Variants in TEX9 observed in about 807,000 individuals in gnomAD.
The protein encoded by TEX9 is testis expressed 9, also known as testis-expressed protein 9.
A neutral mutation model predicts 59.6 loss-of-function variants in TEX9; 74 were observed. That is an observed-to-expected ratio of 1.24 (90% CI 1.03 to 1.51). TEX9 has a LOEUF of 1.51. TEX9 is among the 40% of genes most tolerant of loss of function. TEX9 has a pLI of 0.00. For missense variants in TEX9, 522 were observed against 447.8 expected (o/e 1.17, Z -1.49); for synonymous variants, 186 against 152.2 (o/e 1.22, Z -1.64).
rs1416074874 is a variant in TEX9, at chr15:56,388,591, AG to A, written c.312+72del. On this transcript the variant is annotated intron_variant, in intron 5 of 12. Coordinates refer to ENST00000352903, the Ensembl canonical transcript of TEX9. ...TCCGGATATTTTTTAGACTTTTCTTAGACAAAGCAGAGAAGGGGTATGACTC... is the reference window on the plus strand; with the variant it reads ...TCCGGATATTTTTTAGACTTTTCTTAACAAAGCAGAGAAGGGGTATGACTC... 62 of 1,326,646 alleles carry A rather than the reference AG, an allele frequency of 4.7e-5. No individual in the cohort carries two copies. In the African/African-American group the frequency reaches 8.7e-4, roughly 19 times the overall value. The allele number at this position is 1,326,646 out of a possible 1,614,324, so 82.2% of individuals were successfully genotyped here. A position where few individuals can be genotyped will look rare whatever the true frequency, so the allele number is the denominator to read the frequency against.
At chr15:56,430,808 G>A (rs1235500045) in intron 12 of TEX9, among the ~76,000 whole-genome samples, 2 of 152,176 alleles carry the variant, frequency 1.3e-5, no homozygotes, top group African/African-American at 4.8e-5. Context: ...TCTTTGGCAT[G>A]TAAGTACTAC....
chr15:56,285,417 G>A (rs1472661089), intron 1 of TEX9, among the ~76,000 whole-genome samples: 5 of 152,110 alleles, frequency 3.3e-5, no homozygotes, highest in Non-Finnish European at 1.5e-5. Context: ...TACCCTAAGG[G>A]TATAGCTTTT....
chr15:56,428,391 C>A (rs1417177994), exon 12 of TEX9: 1 of 1,611,872 alleles, frequency 6.2e-7, no homozygotes. Context: ...TGCCAAGATG[C>A]TATCTTTCAC....
At chr15:56,447,978 TACTC>T (rs1376280993), downstream of TEX9, among the ~76,000 whole-genome samples, 2 of 152,252 alleles carry the variant, frequency 1.3e-5, no homozygotes, top group South Asian at 4.1e-4. Context: ...AGTAATTGCT[TACTC>T]CTTTTTATTG....
chr15:56,357,068 G>A (rs1034528822), intron 1 of TEX9, among the ~76,000 whole-genome samples: 2 of 152,116 alleles, frequency 1.3e-5, no homozygotes, highest in East Asian at 3.9e-4. Flanking sequence ...CTGAGATAGA[G>A]TGCTGACTTT....
At chr15:56,370,192 T>A (rs2047131661) in intron 2 of TEX9, among the ~76,000 whole-genome samples, 1 of 152,166 alleles carries the variant, frequency 6.6e-6, no homozygotes, top group Non-Finnish European at 1.5e-5. Context: ...TTGAATGGGT[T>A]TTCATTATGT....
chr15:56,401,985 T>G (rs1459662915), intron 9 of TEX9, among the ~76,000 whole-genome samples: 1 of 152,200 alleles, frequency 6.6e-6, no homozygotes, highest in Admixed American at 6.5e-5. Context: ...TAAAGCAGTG[T>G]GTAGAGGGAA....
downstream of TEX9, among the ~76,000 whole-genome samples, chr15:56,446,214 T>C (rs795796): frequency 0.031 from 4,775 of 152,096 alleles, 188 homozygotes; most frequent in East Asian, 0.093. Flanking sequence ...CATTCATATA[T>C]AATTGGCCCT....
chr15:56,249,472 AAGG>A (rs1185058730), intron 1 of TEX9, among the ~76,000 whole-genome samples: 18 of 151,256 alleles, frequency 1.2e-4, no homozygotes, highest in Admixed American at 5.3e-4. Context: ...GGAGGGAAGA[AAGG>A]AGGGAGGGAG....
intron 10 of TEX9, among the ~76,000 whole-genome samples, chr15:56,419,561 C>G (rs2049865489): frequency 1.3e-5 from 2 of 151,682 alleles, no homozygotes; most frequent in Non-Finnish European, 2.9e-5. Context: ...GTTAAAACAA[C>G]CTTGTATTCC....
chr15:56,388,321 T>C, intron 4 of TEX9, 151 bp from the exon 5 acceptor site: 1 of 592,584 alleles, frequency 1.7e-6, no homozygotes, highest in Non-Finnish European at 2.9e-6. Context: ...ATGGTACTCA[T>C]TCAAAATAAA....
At position 56,327,061 on chromosome 15, in the gene TEX9, A is replaced by G. The variant is rs925174802; in HGVS notation, c.-106-46380A>G. On this transcript the variant is annotated intron_variant, in intron 1 of 5. Coordinates refer to the TEX9 transcript ENST00000560827. ...GAAATAAAAAATCATTATCAAAATA[A>G]TGATTAACATTTTGATATTCTTTCA... Among the ~76,000 whole-genome samples, 9 of 152,218 alleles carry G rather than the reference A, an allele frequency of 5.9e-5. 1 individual carries two copies. The highest frequency in any genetic ancestry group is 2.2e-4 in the African/African-American group (9 of 41,460).
intron 1 of TEX9, among the ~76,000 whole-genome samples, chr15:56,318,834 A>G (rs942439037): frequency 6.6e-6 from 1 of 152,056 alleles, no homozygotes; most frequent in African/African-American, 2.4e-5. Flanking sequence ...CCTTTGTGCT[A>G]TTATTGTCAC....
At chr15:56,263,739 A>G (rs1432423715) in intron 1 of TEX9, among the ~76,000 whole-genome samples, 1 of 152,152 alleles carries the variant, frequency 6.6e-6, no homozygotes, top group Non-Finnish European at 1.5e-5. Context: ...CCTGACAACT[A>G]CTGACCTCTT....
At chr15:56,384,267 A>G (rs2047866130) in intron 4 of TEX9, among the ~76,000 whole-genome samples, 2 of 152,220 alleles carry the variant, frequency 1.3e-5, no homozygotes, top group African/African-American at 2.4e-5. Context: ...GGAAACAGGA[A>G]AAGTACATAA....
intron 1 of TEX9, among the ~76,000 whole-genome samples, chr15:56,322,535 C>T (rs1377084461): frequency 6.6e-6 from 1 of 152,082 alleles, no homozygotes; most frequent in Non-Finnish European, 1.5e-5. Context: ...TTAATATTAC[C>T]TCAGGATTCC....
At chr15:56,400,243 G>A (rs9920137) in intron 9 of TEX9, among the ~76,000 whole-genome samples, 4,846 of 152,218 alleles carry the variant, frequency 0.032, 189 homozygotes, top group East Asian at 0.096. Context: ...TTGAAAAAAG[G>A]TTAGACGAAT....
Position 56,297,140 on chromosome 15 carries a change from G to A in TEX9, c.-107+52862G>A, listed in dbSNP as rs547712445. On this transcript the variant is annotated intron_variant, in intron 1 of 5. Coordinates refer to the TEX9 transcript ENST00000560827. ...GTAGAAATTATATAAAGAGAACAGGGAATGGCAACCGGCCAAGCATTATGT... is the reference window on the plus strand; with the variant it reads ...GTAGAAATTATATAAAGAGAACAGGAAATGGCAACCGGCCAAGCATTATGT... Among the ~76,000 whole-genome samples the A allele has an allele frequency of 5.3e-5, 8 of 152,266 alleles. No homozygotes were observed. In the South Asian group the frequency reaches 1.5e-3, roughly 28 times the overall value.
At chr15:56,336,441 T>G (rs1205114778) in intron 1 of TEX9, among the ~76,000 whole-genome samples, 3 of 152,156 alleles carry the variant, frequency 2.0e-5, no homozygotes, top group Admixed American at 1.3e-4. Context: ...TGGTAATATC[T>G]CCCAGATTAC....
Sources: gnomAD v4.1 joint callset for allele counts (sites outside exome capture counted in the v4.1 genomes callset) on GRCh38, gnomAD v4.1.1 for gene constraint, MANE v1.5 for transcripts, NCBI Gene and HGNC (gene_info 2026-07-23, HGNC 2026-07-21) for gene names.